TBC1D16: variants seen among roughly 807,000 people sequenced by gnomAD.
TBC1D16 encodes CTD-2529O21.1.
TBC1D16 carries 58 observed loss-of-function variants against 74.7 expected under a neutral mutation model. The ratio of observed to expected loss-of-function variants is 0.78; its 90% CI spans 0.63 to 0.97. TBC1D16 has a LOEUF of 0.97. Among genes scored for constraint, TBC1D16 ranks in the 50% least tolerant of loss-of-function variants. The probability of loss-of-function intolerance (pLI) is 0.00; values close to 1 mark genes in which losing one functional copy is unlikely to be tolerated. For synonymous variants in TBC1D16, 493 were observed against 474.7 expected (o/e 1.04, Z -0.50); for missense variants, 1,014 against 1,079.5 (o/e 0.94, Z 0.85).
chr17:79,986,515 A>AC lies in TBC1D16; in HGVS notation c.779+23644dup, dbSNP rs1482259224. On this transcript the variant is annotated intron_variant, in intron 3 of 11. Transcript: ENST00000310924. This position sits in a 1 kb window ranked among gnomAD's most constrained non-coding sequence, Gnocchi z 6.0. ...CAGAGCAACCACGTGAGGACTCCCT[A>AC]CCCCAGGACCTTCCACCAGAAAAGG... Among the ~76,000 whole-genome samples the AC allele has an allele frequency of 6.6e-6, 1 of 152,070 alleles. No homozygotes were observed. The highest frequency in any genetic ancestry group is 2.4e-5 in the African/African-American group (1 of 41,414).
intron 3 of TBC1D16, among the ~76,000 whole-genome samples, chr17:79,974,882 G>C (rs958347662): frequency 7.2e-5 from 11 of 152,216 alleles, no homozygotes; most frequent in African/African-American, 2.7e-4. Context: ...AACGTTGAAA[G>C]AGGGAGAAGC....
intron 3 of TBC1D16, among the ~76,000 whole-genome samples, chr17:79,965,292 G>C (rs1322162696): frequency 6.6e-6 from 1 of 151,994 alleles, no homozygotes; most frequent in East Asian, 1.9e-4. Flanking sequence ...ATGTTGGCCA[G>C]GCTGGTCTTT....
chr17:80,028,786 T>C (rs2036675663), intron 1 of TBC1D16, among the ~76,000 whole-genome samples: 1 of 135,932 alleles, frequency 7.4e-6, no homozygotes, highest in African/African-American at 3.6e-5. Flanking sequence ...AACTTTTGTA[T>C]TTTTTTTAGT....
At chr17:79,997,123 G>A (rs1029061517) in intron 3 of TBC1D16, among the ~76,000 whole-genome samples, 1 of 152,172 alleles carries the variant, frequency 6.6e-6, no homozygotes, top group South Asian at 2.1e-4. Context: ...GGAACCCTGC[G>A]GTGGGGGAGT....
chr17:80,014,209 G>A (rs2036007307), intron 1 of TBC1D16, among the ~76,000 whole-genome samples: 1 of 151,914 alleles, frequency 6.6e-6, no homozygotes, highest in African/African-American at 2.4e-5. Context: ...ATACAAAAAT[G>A]AGCCAGGTGC....
At position 79,937,589 on chromosome 17, in the gene TBC1D16, G is replaced by C. The variant is rs1469641780; in HGVS notation, c.*3270C>G. ...CCTCCTCCCCCGCAGGGGTGGGCTG[G>C]GGCCCTCCCTCCCTCTGTACTTGAT... is the stretch of plus-strand genomic sequence containing the variant. On this transcript the variant is annotated 3_prime_UTR_variant, in exon 12 of 12. Coordinates refer to ENST00000310924, the MANE Select transcript of TBC1D16 (RefSeq NM_019020.4). The C allele has an allele frequency of 6.6e-6, 1 of 152,336 alleles. No homozygotes were observed. Among genetic ancestry groups the C allele is most frequent in the African/African-American group, 2.4e-5 (1 of 41,452 alleles). 9.4% of individuals were successfully genotyped at this position (152,336 alleles called of 1,614,324 possible).
At chr17:79,948,850 G>A in intron 8 of TBC1D16, 22 bp downstream of exon 8, 1 of 1,613,900 alleles carries the variant, frequency 6.2e-7, no homozygotes, top group Non-Finnish European at 8.5e-7. Context: ...GATGGGAAAG[G>A]AGCTGGCTGG....
At chr17:80,032,286 C>G (rs919267421) in intron 1 of TBC1D16, among the ~76,000 whole-genome samples, 5 of 152,336 alleles carry the variant, frequency 3.3e-5, no homozygotes, top group Non-Finnish European at 7.3e-5. Flanking sequence ...TATCACCTTC[C>G]AACGCCTGCA....
In TBC1D16 at chr17:80,007,332, C is replaced by A. The variant is rs559065687; in HGVS notation, c.779+2828G>T. Among the ~76,000 whole-genome samples the A allele has an allele frequency of 6.6e-6, 1 of 152,236 alleles. No individual in the cohort carries two copies. Among genetic ancestry groups the A allele is most frequent in the African/African-American group, 2.4e-5 (1 of 41,456 alleles). ...ACCCCAGGCTGGTGCTCAACCCTCA[C>A]GCCGACTCTGCCCTACAAGGGGGTT... On this transcript the variant is annotated intron_variant, in intron 3 of 11. Coordinates refer to ENST00000310924, the MANE Select transcript of TBC1D16 (RefSeq NM_019020.4). This position sits in a 1 kb window ranked among gnomAD's most constrained non-coding sequence, Gnocchi z 4.5.
chr17:79,958,037 A>T (rs2033419376), intron 3 of TBC1D16, among the ~76,000 whole-genome samples: 1 of 152,130 alleles, frequency 6.6e-6, no homozygotes, highest in Non-Finnish European at 1.5e-5. Flanking sequence ...ACAAATAATG[A>T]ATAAAATTTC....
chr17:80,022,303 ATAAAT>A (rs1316561250), intron 1 of TBC1D16, among the ~76,000 whole-genome samples: 1 of 149,656 alleles, frequency 6.7e-6, no homozygotes. Flanking sequence ...GAAATCTATG[ATAAAT>A]TAATAAAGCT....
In TBC1D16 at chr17:80,009,017, T is replaced by C. The variant is rs1284465666; in HGVS notation, c.779+1143A>G. 6.6e-6 allele frequency among the ~76,000 whole-genome samples: 1 copy of C among 152,206 alleles called. No homozygotes were observed. The highest frequency in any genetic ancestry group is 2.4e-5 in the African/African-American group (1 of 41,462). On this transcript the variant is annotated intron_variant, in intron 3 of 11. Coordinates refer to ENST00000310924, the MANE Select transcript of TBC1D16 (RefSeq NM_019020.4). This position sits in a 1 kb window ranked among gnomAD's most constrained non-coding sequence, Gnocchi z 5.4. Reference sequence around the variant, plus strand: ...GGCTGGGAGACCCCTGGCAAGCTGCTGACCTTCTCCGAGCCGCCCTTTCCC... The same window carrying C: ...GGCTGGGAGACCCCTGGCAAGCTGCCGACCTTCTCCGAGCCGCCCTTTCCC...
intron 3 of TBC1D16, among the ~76,000 whole-genome samples, chr17:79,965,385 A>G (rs1021871202): frequency 2.0e-5 from 3 of 152,102 alleles, no homozygotes; most frequent in Non-Finnish European, 2.9e-5. Flanking sequence ...CCTGGCCTGT[A>G]CTAATTTTTA....
intron 3 of TBC1D16, among the ~76,000 whole-genome samples, chr17:79,953,619 C>G (rs890217950): frequency 1.3e-5 from 2 of 152,216 alleles, no homozygotes; most frequent in African/African-American, 4.8e-5. Context: ...GCATACTGTG[C>G]AGCTGTCTGC....
chr17:79,999,286 A>G (rs775240634), intron 3 of TBC1D16, among the ~76,000 whole-genome samples: 5 of 152,104 alleles, frequency 3.3e-5, no homozygotes, highest in Non-Finnish European at 7.4e-5. Context: ...GAACACAGCC[A>G]TGCCAATTAA....
At position 79,939,988 on chromosome 17, in the gene TBC1D16, T is replaced by TGCAC. The variant is rs1255018412; in HGVS notation, c.*867_*870dup. ...ACGCACGCACGTGTGCATGCATGCA[T>TGCAC]GCACGCAGGGACACACGCACACATC... On this transcript the variant is annotated 3_prime_UTR_variant, in exon 12 of 12. Coordinates refer to ENST00000310924, the MANE Select transcript of TBC1D16 (RefSeq NM_019020.4). 39 of 152,154 alleles carry TGCAC rather than the reference T, an allele frequency of 2.6e-4. No individual in the cohort carries two copies. Among genetic ancestry groups the TGCAC allele is most frequent in the Non-Finnish European group, 7.4e-5 (5 of 68,014 alleles). 9.4% of individuals were successfully genotyped at this position (152,154 alleles called of 1,614,324 possible). A position where few individuals can be genotyped will look rare whatever the true frequency, so the allele number is the denominator to read the frequency against.
At chr17:80,027,246 T>C (rs2036610098) in intron 1 of TBC1D16, among the ~76,000 whole-genome samples, 2 of 152,200 alleles carry the variant, frequency 1.3e-5, no homozygotes, top group African/African-American at 2.4e-5. Context: ...GCGGATCGCC[T>C]GAGTCCAGGA....
rs1274255339 is a variant in TBC1D16, at chr17:79,993,529, G to T, written c.779+16631C>A. ...CTGTTTACTCTGCTGGGAAGGATAT[G>T]AAGCCAAACAGAACCAGCTACGGGA... On this transcript the variant is annotated intron_variant, in intron 3 of 11. Coordinates refer to ENST00000310924, the MANE Select transcript of TBC1D16 (RefSeq NM_019020.4). The surrounding 1 kb of genome is among the most constrained non-coding windows in gnomAD (Gnocchi z 5.1). The T allele has an allele frequency of 6.6e-6, 1 of 152,234 alleles. No homozygotes were observed. Among genetic ancestry groups the T allele is most frequent in the Non-Finnish European group, 1.5e-5 (1 of 68,050 alleles). 9.4% of individuals were successfully genotyped at this position (152,234 alleles called of 1,614,324 possible).
intron 3 of TBC1D16, among the ~76,000 whole-genome samples, chr17:79,989,202 C>T (rs554551952): frequency 2.3e-4 from 35 of 152,268 alleles, no homozygotes; most frequent in African/African-American, 8.4e-4. Context: ...TCCCCACATT[C>T]GATGAAAACA....
Sources: allele counts gnomAD v4.1 joint callset (sites outside exome capture counted in the v4.1 genomes callset), GRCh38; gene constraint gnomAD v4.1.1; non-coding constraint Gnocchi (gnomAD v3.1); transcripts MANE v1.5; gene names NCBI Gene and HGNC (gene_info 2026-07-23, HGNC 2026-07-21).